ATP8B4: variants seen among roughly 807,000 people sequenced by gnomAD.
ATP8B4 encodes ATPase phospholipid transporting 8B4 (putative), also known as probable phospholipid-transporting ATPase IM.
ATP8B4 carries 133 observed loss-of-function variants against 145.6 expected under a neutral mutation model. The ratio of observed to expected loss-of-function variants is 0.91; its 90% CI spans 0.79 to 1.05. The LOEUF is 1.05. ATP8B4 is among the 50% of genes least tolerant of loss of function. ATP8B4 has a pLI of 0.00. For synonymous variants in ATP8B4, 507 were observed against 492.9 expected (o/e 1.03, Z -0.38); for missense variants, 1,458 against 1,425.2 (o/e 1.02, Z -0.37).
intron 2 of ATP8B4, among the ~76,000 whole-genome samples, chr15:50,077,646 G>A (rs1276995923): frequency 6.6e-6 from 1 of 152,062 alleles, no homozygotes; most frequent in Admixed American, 6.5e-5. Flanking sequence ...ATTCTCAAAA[G>A]TGTCTCCATT....
chr15:49,961,851 TA>T, intron 14 of ATP8B4, 125 bp downstream of exon 14: 1 of 743,462 alleles, frequency 1.3e-6, no homozygotes, highest in South Asian at 2.0e-5. Flanking sequence ...ATCTATTTTT[TA>T]ATGCTATGCA....
At chr15:49,860,671 A>G (rs2031514534) in intron 27 of ATP8B4, among the ~76,000 whole-genome samples, 196 bp from the exon 28 acceptor site, 1 of 152,154 alleles carries the variant, frequency 6.6e-6, no homozygotes, top group African/African-American at 2.4e-5. Flanking sequence ...TTTTATCTCT[A>G]TCGAGACACT....
chr15:50,116,143 C>T (rs1289854123), intron 1 of ATP8B4, among the ~76,000 whole-genome samples: 1 of 152,158 alleles, frequency 6.6e-6, no homozygotes, highest in African/African-American at 2.4e-5. Flanking sequence ...ATGGGCCAGA[C>T]ATGGTGGCTC....
chr15:50,177,955 G>C (rs1171373451), intron 1 of ATP8B4, among the ~76,000 whole-genome samples: 1 of 152,138 alleles, frequency 6.6e-6, no homozygotes, highest in Non-Finnish European at 1.5e-5. Flanking sequence ...GGGTAGGGAA[G>C]GTCTGGGACT....
At chr15:50,018,323 G>T (rs552253444) in intron 6 of ATP8B4, among the ~76,000 whole-genome samples, 2 of 151,992 alleles carry the variant, frequency 1.3e-5, no homozygotes, top group African/African-American at 2.4e-5. Context: ...TGGCATATGC[G>T]GTATCATCAC....
At chr15:49,930,185 G>GA (rs926889378) in intron 16 of ATP8B4, among the ~76,000 whole-genome samples, 1 of 151,996 alleles carries the variant, frequency 6.6e-6, no homozygotes, top group Non-Finnish European at 1.5e-5. Flanking sequence ...CTTTGAAAAG[G>GA]AAAAAGAGCA....
chr15:49,935,206 TTTA>T lies in ATP8B4; in HGVS notation c.1288-1027_1288-1025del, dbSNP rs1415556276. Reference sequence around the variant, plus strand: ...ATAATACTGAATAAAATAAGAAATATTTATTATTATCTTTATAATAGGCCCGAC... The same window carrying T: ...ATAATACTGAATAAAATAAGAAATATTTATTATCTTTATAATAGGCCCGAC... On this transcript the variant is annotated intron_variant, in intron 14 of 27. Coordinates refer to ENST00000284509, the MANE Select transcript of ATP8B4 (RefSeq NM_024837.4). Among the ~76,000 whole-genome samples the T allele has an allele frequency of 2.0e-5, 3 of 152,176 alleles. No individual in the cohort carries two copies. In the South Asian group the frequency reaches 6.2e-4, roughly 32 times the overall value.
At chr15:50,048,864 T>C (rs1273411100) in intron 3 of ATP8B4, among the ~76,000 whole-genome samples, 1 of 152,038 alleles carries the variant, frequency 6.6e-6, no homozygotes, top group African/African-American at 2.4e-5. Flanking sequence ...GTGGCAGCAA[T>C]GAGCAGGGCC....
At chr15:49,955,214 C>T (rs2043450145) in intron 14 of ATP8B4, among the ~76,000 whole-genome samples, 1 of 152,164 alleles carries the variant, frequency 6.6e-6, no homozygotes, top group Non-Finnish European at 1.5e-5. Flanking sequence ...AAAACTACCT[C>T]TTGGGTACTG....
At chr15:50,125,801 A>G (rs1232366840) in intron 1 of ATP8B4, among the ~76,000 whole-genome samples, 1 of 152,214 alleles carries the variant, frequency 6.6e-6, no homozygotes, top group East Asian at 1.9e-4. Context: ...GTTATTTTTA[A>G]TGTAAATTCT....
intron 6 of ATP8B4, among the ~76,000 whole-genome samples, chr15:50,015,151 A>C (rs1214757932): frequency 2.0e-5 from 3 of 152,220 alleles, no homozygotes; most frequent in Non-Finnish European, 4.4e-5. Context: ...ATGTAAAAAG[A>C]AGTAAGTGCA....
At chr15:49,938,979 T>C (rs2041950302) in intron 14 of ATP8B4, among the ~76,000 whole-genome samples, 1 of 152,066 alleles carries the variant, frequency 6.6e-6, no homozygotes, top group African/African-American at 2.4e-5. Flanking sequence ...CAATTACATG[T>C]AAATTAAACA....
chr15:50,003,881 G>A (rs2048102174), intron 7 of ATP8B4, among the ~76,000 whole-genome samples: 1 of 152,078 alleles, frequency 6.6e-6, no homozygotes, highest in Non-Finnish European at 1.5e-5. Flanking sequence ...GCACACAGCT[G>A]GCTAGGAACA....
chr15:49,883,969 T>G (rs977233443), intron 23 of ATP8B4, among the ~76,000 whole-genome samples: 2 of 152,194 alleles, frequency 1.3e-5, no homozygotes, highest in African/African-American at 4.8e-5. Flanking sequence ...TGAATGCAGA[T>G]GATATAGAAC....
At chr15:49,862,837 G>A (rs1722813804) in intron 26 of ATP8B4, among the ~76,000 whole-genome samples, 1 of 152,156 alleles carries the variant, frequency 6.6e-6, no homozygotes, top group African/African-American at 2.4e-5. Flanking sequence ...ATCACCCTCA[G>A]GAACGGCTTA....
intron 23 of ATP8B4, among the ~76,000 whole-genome samples, chr15:49,882,627 G>C (rs981465386): frequency 2.0e-5 from 3 of 152,212 alleles, no homozygotes; most frequent in African/African-American, 7.2e-5. Context: ...AAAGAAGCCA[G>C]ATGCAAAGGC....
At chr15:49,868,753 G>T (rs961437878) in intron 25 of ATP8B4, among the ~76,000 whole-genome samples, 2 of 152,096 alleles carry the variant, frequency 1.3e-5, no homozygotes, top group Non-Finnish European at 2.9e-5. Context: ...GAAAGGTTTA[G>T]AACAAGATAG....
intron 12 of ATP8B4, among the ~76,000 whole-genome samples, chr15:49,973,474 T>C (rs1441835078): frequency 1.3e-5 from 2 of 152,208 alleles, no homozygotes; most frequent in Non-Finnish European, 2.9e-5. Context: ...CATTGTTTGA[T>C]GTGGCTTCAC....
intron 3 of ATP8B4, among the ~76,000 whole-genome samples, chr15:50,065,293 T>C (rs952357891): frequency 6.6e-6 from 1 of 152,188 alleles, no homozygotes; most frequent in African/African-American, 2.4e-5. Context: ...CTGGTACTAG[T>C]TTCATAATAG....
Sources: allele counts gnomAD v4.1 joint callset (sites outside exome capture counted in the v4.1 genomes callset), GRCh38; gene constraint gnomAD v4.1.1; transcripts MANE v1.5; gene names NCBI Gene and HGNC (gene_info 2026-07-23, HGNC 2026-07-21).